The following BAHD1 variants were observed in gnomAD, a reference collection of about 807,000 sequenced individuals.
BAHD1 encodes the protein bromo adjacent homology domain-containing 1 protein.
In BAHD1, 20 loss-of-function variants were observed where a neutral mutation model predicts 63.1. That is an observed-to-expected ratio of 0.32 (90% CI 0.22 to 0.46). BAHD1 has a LOEUF of 0.46. BAHD1 is among the 20% of genes least tolerant of loss of function. The pLI is 1.00. For missense variants in BAHD1, 939 were observed against 1,071.8 expected, an observed-to-expected ratio of 0.88 and a Z score of 1.73; for synonymous variants, 408 against 426.8, an observed-to-expected ratio of 0.96 and a Z score of 0.54.
Position 40,466,215 on chromosome 15 carries a change from G to A in BAHD1, c.*85G>A, listed in dbSNP as rs1894201499. The A allele has an allele frequency of 4.3e-6, 6 of 1,402,742 alleles. No homozygotes were observed. The highest frequency in any genetic ancestry group is 5.8e-6 in the Non-Finnish European group (6 of 1,033,858). The allele number at this position is 1,402,742 out of a possible 1,614,324, so 86.9% of individuals were successfully genotyped here. The stretch of plus-strand genomic sequence containing the variant: ...TGCTTGAAGCACAGCACTTGGTTAG[G>A]GGGCCACAGAGGCCTAAGTTTGCTG... On this transcript the variant is annotated 3_prime_UTR_variant, in exon 7 of 7. Transcript: ENST00000416165.
At chr15:40,457,668 C>T (rs981193122) in intron 1 of BAHD1, among the ~76,000 whole-genome samples, 8 of 152,286 alleles carry the variant, frequency 5.3e-5, no homozygotes, top group African/African-American at 1.7e-4. Context: ...AGAAGCCCTG[C>T]GTTTGGGGAG....
At chr15:40,464,178 AG>A in intron 4 of BAHD1, 158 bp downstream of exon 4, 1 of 909,258 alleles carries the variant, frequency 1.1e-6, no homozygotes, top group Non-Finnish European at 1.6e-6. Context: ...TCTGCTGCCG[AG>A]GGCTGTGGGT....
chr15:40,464,360 G>T, intron 4 of BAHD1, 111 bp from the exon 5 acceptor site: 1 of 922,124 alleles, frequency 1.1e-6, no homozygotes. Flanking sequence ...GGTTGCCGGA[G>T]CCTGCAGGAT....
upstream of BAHD1, among the ~76,000 whole-genome samples, chr15:40,439,071 G>T (rs1301127320): frequency 6.6e-6 from 1 of 152,028 alleles, no homozygotes; most frequent in East Asian, 1.9e-4. Context: ...GGTGTGTGTT[G>T]GGGGGGCGCT....
chr15:40,455,100 G>C (rs530141412), intron 1 of BAHD1, among the ~76,000 whole-genome samples: 3 of 152,236 alleles, frequency 2.0e-5, no homozygotes, highest in Non-Finnish European at 4.4e-5. Context: ...TTAAGATGCC[G>C]AGTGGCTGGA....
chr15:40,466,059 C>A lies in BAHD1; in HGVS notation c.2272C>A (p.Pro758Thr). 1 of 1,614,182 alleles carries A rather than the reference C, an allele frequency of 6.2e-7. No homozygotes were observed. Among genetic ancestry groups the A allele is most frequent in the Non-Finnish European group, 8.5e-7 (1 of 1,180,008 alleles). The stretch of plus-strand genomic sequence containing the variant: ...CCGCACAGTGCCAGAGGACACGGAC[C>A]CTGAGCTGGTGTTCCTTTGCCGCCA... ...PHRTVPEDTD[P>T]ELVFLCRHVY... The change falls in exon 7 of 7, where the codon CCT becomes ACT. Residue 758 changes from proline (P) to threonine (T), a missense_variant. Physicochemically the swap from Pro to Thr is conservative, Grantham distance 38. This residue lies in a region of BAHD1 where 68 missense variants were observed against 86.2 expected (regional missense o/e 0.79). Coordinates refer to ENST00000416165, the MANE Select transcript of BAHD1 (RefSeq NM_014952.5).
At chr15:40,443,765 C>T (rs567848018) in intron 1 of BAHD1, among the ~76,000 whole-genome samples, 10 of 152,270 alleles carry the variant, frequency 6.6e-5, no homozygotes, top group African/African-American at 2.4e-4. Flanking sequence ...GCTACCAGGT[C>T]ATTCTTCCTA....
At chr15:40,441,846 T>G (rs1388447081) in intron 1 of BAHD1, among the ~76,000 whole-genome samples, 3 of 88,942 alleles carry the variant, frequency 3.4e-5, no homozygotes, top group Non-Finnish European at 4.9e-5. Context: ...TATTGCTGGA[T>G]GGGGGGCAGG....
In BAHD1 at chr15:40,458,247, C is replaced by G. The variant is rs117505325; in HGVS notation, c.-14-204C>G. ...CTAGGCTAAAAGGAAAGAGGAGGAA[C>G]CAGTCCTTGCACAGCTGCTGGTAGC... is the stretch of plus-strand genomic sequence containing the variant. On this transcript the variant is annotated intron_variant, in intron 1 of 6. Coordinates refer to ENST00000416165, the MANE Select transcript of BAHD1 (RefSeq NM_014952.5). The surrounding 1 kb of genome is among the most constrained non-coding windows in gnomAD (Gnocchi z 4.7). Among the ~76,000 whole-genome samples, 161 of 152,280 alleles carry G rather than the reference C, an allele frequency of 1.1e-3. 2 individuals carry two copies. The East Asian group carries it at 0.03, about 29-fold the overall frequency.
At chr15:40,464,579 C>G (rs769946899) in intron 5 of BAHD1, 32 bp downstream of exon 5, 3 of 1,575,908 alleles carry the variant, frequency 1.9e-6, no homozygotes, top group Admixed American at 3.5e-5. Flanking sequence ...TCAGGGAGGG[C>G]AGGAGAGACA....
chr15:40,460,328 ACT>A (rs1478913843), intron 2 of BAHD1, among the ~76,000 whole-genome samples: 1 of 151,862 alleles, frequency 6.6e-6, no homozygotes, highest in Admixed American at 6.6e-5. Context: ...AGAAACCAGT[ACT>A]CTCTGCATGC....
At position 40,466,352 on chromosome 15, in the gene BAHD1, C is replaced by A; in HGVS notation, c.*222C>A. 1 of 442,894 alleles carries A rather than the reference C, an allele frequency of 2.3e-6. No homozygotes were observed. Among genetic ancestry groups the A allele is most frequent in the East Asian group, 3.6e-5 (1 of 27,560 alleles). The allele number at this position is 442,894 out of a possible 1,614,324, so 27.4% of individuals were successfully genotyped here. ...AAAGCATCAGAACTCTCAGCTTGGCCCAAGGTACCTTCTGTGGTTCCCCTG... is the reference window on the plus strand; with the variant it reads ...AAAGCATCAGAACTCTCAGCTTGGCACAAGGTACCTTCTGTGGTTCCCCTG... On this transcript the variant is annotated 3_prime_UTR_variant, in exon 7 of 7. Transcript: ENST00000416165.
In BAHD1 at chr15:40,465,967, G is replaced by A; in HGVS notation, c.2180G>A (p.Gly727Asp). The part of the protein sequence containing the change: ...CRFCAMAKRR[G>D]EGLPSRKTAL... ...TTCTGTGCCATGGCCAAGCGCCGAG[G>A]TGAAGGCCTCCCCAGCCGAAAGACA... The change falls in exon 7 of 7, where the codon GGT becomes GAT. Residue 727 changes from glycine (G) to aspartate (D), a missense_variant. Physicochemically the swap from Gly to Asp is moderately conservative, Grantham distance 94. Coordinates refer to ENST00000416165, the MANE Select transcript of BAHD1 (RefSeq NM_014952.5). The A allele has an allele frequency of 6.2e-7, 1 of 1,604,784 alleles. No homozygotes were observed. The highest frequency in any genetic ancestry group is 1.1e-5 in the South Asian group (1 of 89,924).
At chr15:40,464,192 C>T in intron 4 of BAHD1, 172 bp downstream of exon 4, 1 of 823,954 alleles carries the variant, frequency 1.2e-6, no homozygotes, top group Non-Finnish European at 1.9e-6. Flanking sequence ...CTGTGGGTGA[C>T]CTTGTGGCTT....
At chr15:40,445,037 G>A (rs140745152) in intron 1 of BAHD1, among the ~76,000 whole-genome samples, 1 of 151,842 alleles carries the variant, frequency 6.6e-6, no homozygotes, top group South Asian at 2.1e-4. Flanking sequence ...TGCATCTCCT[G>A]GGCTCTCTTC....
At position 40,459,013 on chromosome 15, in the gene BAHD1, G is replaced by A. The variant is rs762262322; in HGVS notation, c.549G>A (p.Leu183=). The part of the protein sequence containing the change: ...LGDLGGGSRD[L]SPEPAPDEGP... ...ACCTTGGAGGAGGAAGTCGGGACCT[G>A]TCTCCAGAGCCAGCACCCGATGAAG... The change falls in exon 2 of 7, where the codon CTG becomes CTA. Residue 183 remains leucine, a synonymous_variant. Coordinates refer to ENST00000416165, the MANE Select transcript of BAHD1 (RefSeq NM_014952.5). The A allele has an allele frequency of 1.3e-6, 2 of 1,591,814 alleles. No individual in the cohort carries two copies. Among genetic ancestry groups the A allele is most frequent in the Non-Finnish European group, 1.7e-6 (2 of 1,167,350 alleles).
At chr15:40,441,988 C>T (rs1893417656) in intron 1 of BAHD1, among the ~76,000 whole-genome samples, 2 of 151,800 alleles carry the variant, frequency 1.3e-5, no homozygotes, top group Admixed American at 1.3e-4. Context: ...CCGCGGGAGG[C>T]CCTGCGGGGA....
rs1336888298 is a variant in BAHD1, at chr15:40,458,263, T to C, written c.-14-188T>C. On this transcript the variant is annotated intron_variant, in intron 1 of 6. Coordinates refer to ENST00000416165, the MANE Select transcript of BAHD1 (RefSeq NM_014952.5). This position sits in a 1 kb window ranked among gnomAD's most constrained non-coding sequence, Gnocchi z 4.7. Reference sequence around the variant, plus strand: ...GAGGAGGAACCAGTCCTTGCACAGCTGCTGGTAGCTTGATTCCACTGCCCC... The same window carrying C: ...GAGGAGGAACCAGTCCTTGCACAGCCGCTGGTAGCTTGATTCCACTGCCCC... Among the ~76,000 whole-genome samples the C allele has an allele frequency of 6.6e-6, 1 of 152,172 alleles. No homozygotes were observed. The highest frequency in any genetic ancestry group is 1.5e-5 in the Non-Finnish European group (1 of 68,026).
intron 1 of BAHD1, among the ~76,000 whole-genome samples, chr15:40,451,591 T>C (rs1256463695): frequency 6.6e-6 from 1 of 152,258 alleles, no homozygotes; most frequent in East Asian, 1.9e-4. Context: ...GCAACCTTGC[T>C]GTGTAGACAA....
Sources: gnomAD v4.1 joint callset for allele counts (sites outside exome capture counted in the v4.1 genomes callset) on GRCh38, gnomAD v4.1.1 for gene constraint, gnomAD v4.1.1 regional missense constraint, Gnocchi (gnomAD v3.1) non-coding constraint, MANE v1.5 for transcripts, NCBI Gene and HGNC (gene_info 2026-07-23, HGNC 2026-07-21) for gene names.